Variants in HTR1E observed in about 807,000 individuals in gnomAD.
The protein encoded by HTR1E is 5-hydroxytryptamine receptor 1E, also known as 5-HT-1E.
Under a neutral mutation model 3.4 loss-of-function variants are expected in HTR1E, and 3 were observed. That is an observed-to-expected ratio of 0.89 (90% CI 0.41 to 2.31). HTR1E has a LOEUF of 2.31. Ranked by LOEUF, HTR1E falls within the 30% of genes most tolerant of loss-of-function variation. The pLI, the probability that HTR1E is intolerant of heterozygous loss-of-function variation, is 0.05. For missense variants in HTR1E, 392 were observed against 467.0 expected (o/e 0.84, Z 1.48); for synonymous variants, 170 against 182.8 (o/e 0.93, Z 0.56).
intron 1 of HTR1E, among the ~76,000 whole-genome samples, chr6:86,945,246 T>A (rs1425378546): frequency 6.6e-6 from 1 of 152,044 alleles, no homozygotes; most frequent in Non-Finnish European, 1.5e-5. Context: ...GTTTTGTTTG[T>A]TTGTTTGTTT....
intron 1 of HTR1E, among the ~76,000 whole-genome samples, chr6:87,010,063 AC>A (rs1172976043): frequency 1.3e-4 from 11 of 83,876 alleles, no homozygotes; most frequent in Non-Finnish European, 2.3e-4. Context: ...CGGGGGGCTG[AC>A]CCCCCCACCT....
At chr6:86,968,873 C>T (rs915621546) in intron 1 of HTR1E, among the ~76,000 whole-genome samples, 1 of 144,588 alleles carries the variant, frequency 6.9e-6, no homozygotes, top group Non-Finnish European at 1.6e-5. Flanking sequence ...TCTCTATTAA[C>T]ACAAGATTAT....
chr6:87,010,367 G>C (rs1768198045), intron 1 of HTR1E, among the ~76,000 whole-genome samples: 1 of 111,986 alleles, frequency 8.9e-6, no homozygotes, highest in Non-Finnish European at 1.8e-5. Flanking sequence ...GCGGGGGGCT[G>C]ACCCCCCCAT....
chr6:87,015,063 A>C, intron 1 of HTR1E, 87 bp from the exon 2 acceptor site: 1 of 253,116 alleles, frequency 4.0e-6, no homozygotes, highest in Non-Finnish European at 7.4e-6. Flanking sequence ...AAATTTATAA[A>C]GAATTTATAA....
chr6:86,945,262 TTTGA>T (rs1236860546), intron 1 of HTR1E, among the ~76,000 whole-genome samples: 1 of 151,878 alleles, frequency 6.6e-6, no homozygotes, highest in East Asian at 1.9e-4. Flanking sequence ...TGTTTGTTTG[TTTGA>T]GACAGAGTCT....
intron 1 of HTR1E, among the ~76,000 whole-genome samples, chr6:86,960,276 C>T (rs1359119426): frequency 6.6e-6 from 1 of 152,132 alleles, no homozygotes; most frequent in Admixed American, 6.5e-5. Flanking sequence ...ATGCTGTGTC[C>T]TCACTTGGCG....
chr6:86,956,022 G>A (rs1259227532), intron 1 of HTR1E, among the ~76,000 whole-genome samples: 3 of 151,958 alleles, frequency 2.0e-5, no homozygotes, highest in East Asian at 1.9e-4. Flanking sequence ...TTGGAATTGG[G>A]GCACAATGGA....
chr6:86,978,431 T>C (rs1219931410), intron 1 of HTR1E, among the ~76,000 whole-genome samples: 1 of 152,182 alleles, frequency 6.6e-6, no homozygotes, highest in Non-Finnish European at 1.5e-5. Flanking sequence ...ATTCTCCTGG[T>C]AGGTGACTTG....
chr6:86,979,661 G>A (rs1767684197), intron 1 of HTR1E, among the ~76,000 whole-genome samples: 1 of 152,108 alleles, frequency 6.6e-6, no homozygotes, highest in Non-Finnish European at 1.5e-5. Context: ...TACAAATTAG[G>A]TGCATGCCTG....
At position 87,016,435 on chromosome 6, in the gene HTR1E, T is replaced by G. The variant is rs371136067; in HGVS notation, c.*3T>G. The G allele has an allele frequency of 6.3e-7, 1 of 1,576,474 alleles. No individual in the cohort carries two copies. The highest frequency in any genetic ancestry group is 1.4e-5 in the African/African-American group (1 of 73,624). On this transcript the variant is annotated 3_prime_UTR_variant, in exon 2 of 2. Transcript: ENST00000305344. ...TTAGATGCCGAGAGCATACTTAGAC[T>G]GTAAAAAGCTAAAAGGCACGACTTT... is the stretch of plus-strand genomic sequence containing the variant.
chr6:86,988,846 G>C (rs934505270), intron 1 of HTR1E, among the ~76,000 whole-genome samples: 4 of 152,088 alleles, frequency 2.6e-5, no homozygotes, highest in Non-Finnish European at 4.4e-5. Flanking sequence ...CAAGAAAAGA[G>C]AAAGATGACT....
chr6:87,001,909 T>A (rs1369279696), intron 1 of HTR1E, among the ~76,000 whole-genome samples: 1 of 151,998 alleles, frequency 6.6e-6, no homozygotes, highest in Non-Finnish European at 1.5e-5. Context: ...ACACTGACAA[T>A]AAAGGGATGG....
chr6:86,941,879 A>G (rs1287504547), intron 1 of HTR1E, among the ~76,000 whole-genome samples: 5 of 151,740 alleles, frequency 3.3e-5, no homozygotes, highest in Non-Finnish European at 7.4e-5. Flanking sequence ...GGAAGGAAGG[A>G]AGGAAGGAAG....
intron 1 of HTR1E, among the ~76,000 whole-genome samples, chr6:87,012,514 A>C (rs1365543493): frequency 1.3e-5 from 2 of 152,198 alleles, no homozygotes; most frequent in East Asian, 3.9e-4. Flanking sequence ...TTTACCCATG[A>C]AACAAATCTG....
At chr6:86,964,106 C>T (rs191611858) in intron 1 of HTR1E, among the ~76,000 whole-genome samples, 19 of 152,252 alleles carry the variant, frequency 1.2e-4, no homozygotes, top group African/African-American at 2.6e-4. Context: ...CCTGGAGCAA[C>T]GGTATGCTAG....
At chr6:86,964,139 A>T (rs987163903) in intron 1 of HTR1E, among the ~76,000 whole-genome samples, 2 of 152,176 alleles carry the variant, frequency 1.3e-5, no homozygotes, top group Admixed American at 6.6e-5. Flanking sequence ...GACAATATCC[A>T]GTCTTCTAGT....
intron 1 of HTR1E, among the ~76,000 whole-genome samples, chr6:86,946,169 T>C (rs1768613926): frequency 6.6e-6 from 1 of 152,208 alleles, no homozygotes; most frequent in South Asian, 2.1e-4. Flanking sequence ...TACAGTAGTG[T>C]ACAGTAATGT....
intron 1 of HTR1E, among the ~76,000 whole-genome samples, chr6:86,966,811 G>T (rs1160407393): frequency 1.3e-5 from 2 of 152,048 alleles, no homozygotes; most frequent in South Asian, 4.1e-4. Context: ...ACAAATGTGC[G>T]TTTTCATTAC....
chr6:86,939,793 C>G (rs957387906), intron 1 of HTR1E, among the ~76,000 whole-genome samples: 1 of 152,168 alleles, frequency 6.6e-6, no homozygotes, highest in African/African-American at 2.4e-5. Flanking sequence ...TCATTCAAGG[C>G]CTAGTCCCAG....
Sources: allele counts gnomAD v4.1 joint callset (sites outside exome capture counted in the v4.1 genomes callset), GRCh38; gene constraint gnomAD v4.1.1; transcripts MANE v1.5; gene names NCBI Gene and HGNC (gene_info 2026-07-23, HGNC 2026-07-21).